Variants in CORO1C observed in about 807,000 individuals in gnomAD.
CORO1C encodes coronin-1C.
CORO1C carries 14 observed loss-of-function variants against 51.2 expected under a neutral mutation model. The ratio of observed to expected loss-of-function variants is 0.27; its 90% confidence interval spans 0.18 to 0.43. The LOEUF (loss-of-function observed/expected upper bound fraction) is 0.43, where lower values mean the gene tolerates loss of function less well. Among genes scored for constraint, CORO1C ranks in the 20% least tolerant of loss-of-function variants. The pLI, the probability that CORO1C is intolerant of heterozygous loss-of-function variation, is 1.00. For synonymous variants in CORO1C, 181 were observed against 210.5 expected (o/e 0.86, Z 1.21); for missense variants, 417 against 607.8 (o/e 0.69, Z 3.30).
chr12:108,708,193 A>C (rs1438558199), intron 1 of CORO1C, among the ~76,000 whole-genome samples: 1 of 152,232 alleles, frequency 6.6e-6, no homozygotes, highest in Non-Finnish European at 1.5e-5. Flanking sequence ...TCATGGAAGC[A>C]TTATTTACAA....
At chr12:108,669,519 G>C (rs1382815169) in intron 3 of CORO1C, among the ~76,000 whole-genome samples, 2 of 152,114 alleles carry the variant, frequency 1.3e-5, no homozygotes, top group East Asian at 3.9e-4. Context: ...GCGTTTAAGC[G>C]AAGCGACCTG....
At chr12:108,716,127 CAAAAAAAAAA>C (rs61278729) in intron 1 of CORO1C, among the ~76,000 whole-genome samples, 11 of 41,092 alleles carry the variant, frequency 2.7e-4, no homozygotes, top group Admixed American at 2.4e-3. Context: ...GACTCTGTCG[CAAAAAAAAAA>C]AAAAAAAAAA....
intron 1 of CORO1C, among the ~76,000 whole-genome samples, chr12:108,711,424 A>G (rs987814806): frequency 2.0e-5 from 3 of 152,112 alleles, no homozygotes. Context: ...TCACGCCTGT[A>G]ATCCCAGCAC....
chr12:108,688,427 C>T (rs775785451), intron 2 of CORO1C, among the ~76,000 whole-genome samples: 9 of 152,176 alleles, frequency 5.9e-5, no homozygotes, highest in South Asian at 2.1e-4. Context: ...ACACATGTAC[C>T]GCAGCCATGT....
chr12:108,722,828 G>C (rs955678861), intron 1 of CORO1C, among the ~76,000 whole-genome samples: 1 of 152,144 alleles, frequency 6.6e-6, no homozygotes, highest in Non-Finnish European at 1.5e-5. Flanking sequence ...TATGTTATTT[G>C]TTCTACTTGA....
chr12:108,671,300 G>A (rs1038439288), intron 3 of CORO1C, among the ~76,000 whole-genome samples: 3 of 151,978 alleles, frequency 2.0e-5, no homozygotes, highest in Admixed American at 1.3e-4. Context: ...ACTCCAGCCT[G>A]GGTGACAGAG....
chr12:108,659,352 G>A (rs2033159037), intron 4 of CORO1C, among the ~76,000 whole-genome samples: 1 of 152,148 alleles, frequency 6.6e-6, no homozygotes, highest in African/African-American at 2.4e-5. Flanking sequence ...ACCCCTATTA[G>A]GCAAATACGC....
chr12:108,713,101 A>G (rs754541247), intron 1 of CORO1C, among the ~76,000 whole-genome samples: 4 of 152,124 alleles, frequency 2.6e-5, no homozygotes, highest in Non-Finnish European at 5.9e-5. Context: ...AACATGCCTT[A>G]CCTATTTTAA....
At chr12:108,728,337 C>T (rs1159679663) in intron 1 of CORO1C, among the ~76,000 whole-genome samples, 5 of 148,618 alleles carry the variant, frequency 3.4e-5, no homozygotes, top group Non-Finnish European at 7.4e-5. Context: ...TATTATTTGA[C>T]CATTAAAAAA....
rs867515305 is a variant in CORO1C, at chr12:108,702,867, C to A, written c.-5-1544G>T. ...ATGTAGCCGGGCTGAAGTAAGAGAC[C>A]CTTGGCAGGCAATTGAGCATCCACG... On this transcript the variant is annotated intron_variant, in intron 1 of 10. Transcript: ENST00000261401. The A allele has an allele frequency of 3.6e-5, 55 of 1,535,584 alleles. No individual in the cohort carries two copies. The African/African-American group carries it at 6.9e-4, about 19-fold the overall frequency.
intron 2 of CORO1C, among the ~76,000 whole-genome samples, chr12:108,686,893 C>T (rs923928110): frequency 9.2e-5 from 14 of 152,186 alleles, no homozygotes; most frequent in African/African-American, 3.4e-4. Flanking sequence ...GCTTCCAAAG[C>T]ATGTATACAG....
intron 3 of CORO1C, 115 bp downstream of exon 3, chr12:108,678,157 C>G: frequency 2.4e-6 from 2 of 821,206 alleles, no homozygotes; most frequent in Non-Finnish European, 3.6e-6. Flanking sequence ...GTCAAAACTG[C>G]TATAACGTTC....
At position 108,661,060 on chromosome 12, in the gene CORO1C, A is replaced by G. The variant is rs566192466; in HGVS notation, c.448+969T>C. Among the ~76,000 whole-genome samples the G allele has an allele frequency of 3.3e-5, 5 of 152,322 alleles. No homozygotes were observed. The East Asian group carries it at 9.6e-4, about 29-fold the overall frequency. ...AATAAACCACTTTTATTAAGGTATA[A>G]CTTACATACAATACAATGCACCCAT... On this transcript the variant is annotated intron_variant, in intron 4 of 10. Transcript: ENST00000261401.
chr12:108,665,562 CA>C (rs2033442948), intron 3 of CORO1C, among the ~76,000 whole-genome samples: 1 of 152,068 alleles, frequency 6.6e-6, no homozygotes, highest in African/African-American at 2.4e-5. Flanking sequence ...GTGATACAGA[CA>C]GTTAGAGAGT....
intron 7 of CORO1C, 112 bp downstream of exon 7, chr12:108,654,194 C>A: frequency 1.4e-6 from 1 of 739,574 alleles, no homozygotes; most frequent in South Asian, 1.7e-5. Flanking sequence ...AACATACACA[C>A]ACAAATTAGA....
At position 108,654,434 on chromosome 12, in the gene CORO1C, CAT is replaced by C. The variant is rs757361855; in HGVS notation, c.751-26_751-25del. On this transcript the variant is annotated intron_variant, in intron 6 of 10. Coordinates refer to ENST00000261401, the MANE Select transcript of CORO1C (RefSeq NM_014325.4). The stretch of plus-strand genomic sequence containing the variant: ...TTCTGGGGGGAAGATAATAATAATA[CAT>C]ATATGTGTATGTATACATTTTTTTA... 1.8e-5 allele frequency: 23 copies of C among 1,313,022 alleles called. No individual in the cohort carries two copies. In the East Asian group the frequency reaches 4.9e-4, roughly 28 times the overall value. The allele number at this position is 1,313,022 out of a possible 1,614,324, so 81.3% of individuals were successfully genotyped here.
chr12:108,716,730 C>A (rs2035346048), intron 1 of CORO1C, among the ~76,000 whole-genome samples: 1 of 152,100 alleles, frequency 6.6e-6, no homozygotes, highest in Non-Finnish European at 1.5e-5. Flanking sequence ...ACAGGAAATC[C>A]TTCTTTCACT....
rs573964779 is a variant in CORO1C, at chr12:108,659,933, C to T, written c.449-1014G>A. 2.5e-4 allele frequency among the ~76,000 whole-genome samples: 38 copies of T among 152,368 alleles called. No homozygotes were observed. The Middle Eastern group carries it at 0.01, about 41-fold the overall frequency. Reference sequence around the variant, plus strand: ...GAAGCCCACAATGTCAACTCATTCACCATCTCAGCTCACCAACTCCTTCCT... The same window carrying T: ...GAAGCCCACAATGTCAACTCATTCATCATCTCAGCTCACCAACTCCTTCCT... On this transcript the variant is annotated intron_variant, in intron 4 of 10. Coordinates refer to ENST00000261401, the MANE Select transcript of CORO1C (RefSeq NM_014325.4).
intron 1 of CORO1C, among the ~76,000 whole-genome samples, chr12:108,706,623 C>G (rs959740132): frequency 6.6e-6 from 1 of 152,016 alleles, no homozygotes; most frequent in African/African-American, 2.4e-5. Flanking sequence ...AAGATGGAGT[C>G]TTGCTCTGTC....
Sources: allele counts gnomAD v4.1 joint callset (sites outside exome capture counted in the v4.1 genomes callset), GRCh38; gene constraint gnomAD v4.1.1; transcripts MANE v1.5; gene names NCBI Gene and HGNC (gene_info 2026-07-23, HGNC 2026-07-21).